Variants in CSMD1 observed in about 807,000 individuals in gnomAD.
The protein encoded by CSMD1 is CUB and sushi domain-containing protein 1.
A neutral mutation model predicts 417.5 loss-of-function variants in CSMD1; 213 were observed. The observed-to-expected ratio is 0.51, with a 90% CI of 0.46 to 0.57. The LOEUF (loss-of-function observed/expected upper bound fraction) is 0.57, where lower values mean the gene tolerates loss of function less well. Ranked by LOEUF, CSMD1 falls within the 20% of genes least tolerant of loss-of-function variation. The pLI is 0.00. For synonymous variants in CSMD1, 2,862 were observed against 1,736.8 expected (o/e 1.65, Z -16.11); for missense variants, 6,923 against 4,529.7 (o/e 1.53, Z -15.17).
chr8:4,488,976 A>G (rs886899667), intron 2 of CSMD1, among the ~76,000 whole-genome samples: 1 of 152,136 alleles, frequency 6.6e-6, no homozygotes. Flanking sequence ...CAGTGGCGCG[A>G]TCTTGGCTCA....
chr8:4,161,166 G>C (rs1277356613), intron 3 of CSMD1, among the ~76,000 whole-genome samples: 1 of 151,386 alleles, frequency 6.6e-6, no homozygotes, highest in Non-Finnish European at 1.5e-5. Flanking sequence ...AAGTTCAGAA[G>C]GATGAAGTAC....
intron 10 of CSMD1, among the ~76,000 whole-genome samples, chr8:3,500,005 GC>G (rs1403062301): frequency 6.6e-6 from 1 of 152,176 alleles, no homozygotes; most frequent in South Asian, 2.1e-4. Flanking sequence ...GCCTGTGGGG[GC>G]TTTTCTGAAG....
chr8:3,263,807 T>G (rs935182019), intron 26 of CSMD1, among the ~76,000 whole-genome samples: 1 of 152,228 alleles, frequency 6.6e-6, no homozygotes. Flanking sequence ...AAGACACTAA[T>G]AGTTTTGCTT....
intron 5 of CSMD1, among the ~76,000 whole-genome samples, chr8:3,890,637 G>C (rs954900443): frequency 5.9e-5 from 9 of 152,138 alleles, no homozygotes; most frequent in Non-Finnish European, 1.0e-4. Context: ...CAGAGAAATG[G>C]AGCATATTTC....
chr8:3,112,292 T>C (rs755266506), intron 42 of CSMD1, among the ~76,000 whole-genome samples: 7 of 152,204 alleles, frequency 4.6e-5, no homozygotes, highest in Non-Finnish European at 7.3e-5. Flanking sequence ...GTGCTAGTAA[T>C]TTAGTGTGGA....
chr8:4,108,054 ACAGAGACAGAG>A (rs1801660297), intron 3 of CSMD1, among the ~76,000 whole-genome samples: 2 of 2,302 alleles, frequency 8.7e-4, no homozygotes, highest in African/African-American at 2.9e-3. Flanking sequence ...AGAGACAGAG[ACAGAGACAGAG>A]ACAGAGACAG....
chr8:4,007,159 T>C lies in CSMD1; in HGVS notation c.611-9049A>G, dbSNP rs184478404. On this transcript the variant is annotated intron_variant, in intron 4 of 69. Coordinates refer to ENST00000635120, the MANE Select transcript of CSMD1 (RefSeq NM_033225.6). ...GGCCACGACTTTTACTATTTCTCAG[T>C]GAAATCAAGCACTGATGCCCACTTT... Among the ~76,000 whole-genome samples, 433 of 152,196 alleles carry C rather than the reference T, an allele frequency of 2.8e-3. 1 individual carries two copies. The highest frequency in any genetic ancestry group is 0.01 in the African/African-American group (422 of 41,546).
chr8:3,085,728 T>C (rs1814483584), intron 49 of CSMD1, among the ~76,000 whole-genome samples: 1 of 152,230 alleles, frequency 6.6e-6, no homozygotes, highest in Non-Finnish European at 1.5e-5. Flanking sequence ...TGTGACATCC[T>C]TTAATCCTTC....
intron 1 of CSMD1, among the ~76,000 whole-genome samples, chr8:4,811,806 C>G (rs1339204166): frequency 2.0e-5 from 3 of 151,958 alleles, no homozygotes; most frequent in Admixed American, 6.6e-5. Flanking sequence ...CCAAGTTTTG[C>G]ATAGACATAG....
At chr8:4,039,472 T>G (rs1471071929) in intron 3 of CSMD1, among the ~76,000 whole-genome samples, 2 of 152,190 alleles carry the variant, frequency 1.3e-5, no homozygotes, top group African/African-American at 4.8e-5. Flanking sequence ...TTTCTTCTCT[T>G]TACTGGCTCT....
intron 26 of CSMD1, among the ~76,000 whole-genome samples, chr8:3,239,386 C>G (rs1799353038): frequency 1.3e-5 from 2 of 152,034 alleles, no homozygotes; most frequent in Admixed American, 6.5e-5. Context: ...TTATGTCTGA[C>G]AGAAGGGAAG....
intron 11 of CSMD1, among the ~76,000 whole-genome samples, chr8:3,482,054 C>G (rs992074800): frequency 1.4e-4 from 22 of 152,114 alleles, no homozygotes; most frequent in Non-Finnish European, 2.5e-4. Context: ...AAATATACCA[C>G]AAACAGGTTA....
At chr8:4,700,692 A>C (rs866540032) in intron 1 of CSMD1, among the ~76,000 whole-genome samples, 1 of 152,244 alleles carries the variant, frequency 6.6e-6, no homozygotes. Flanking sequence ...CTACCTGTAT[A>C]TGATATTCAG....
intron 2 of CSMD1, among the ~76,000 whole-genome samples, chr8:4,445,798 A>G (rs1563181863): frequency 1.3e-5 from 2 of 152,366 alleles, no homozygotes; most frequent in South Asian, 4.1e-4. Flanking sequence ...TGTCAGAAAT[A>G]GATGATTAAC....
chr8:4,590,552 A>G (rs575860636), intron 2 of CSMD1, among the ~76,000 whole-genome samples: 2 of 152,182 alleles, frequency 1.3e-5, no homozygotes, highest in East Asian at 3.9e-4. Context: ...ACCTCTCCCT[A>G]TATGCTTTTA....
intron 27 of CSMD1, among the ~76,000 whole-genome samples, chr8:3,226,776 G>C (rs183223606): frequency 1.4e-4 from 22 of 152,122 alleles, no homozygotes; most frequent in African/African-American, 4.3e-4. Flanking sequence ...TTGAAAATAA[G>C]TGTTGTCACA....
intron 7 of CSMD1, among the ~76,000 whole-genome samples, chr8:3,681,827 T>G (rs1003724834): frequency 3.3e-5 from 5 of 152,198 alleles, no homozygotes; most frequent in African/African-American, 1.2e-4. Flanking sequence ...AGCATGGTAC[T>G]GGTACCAAAA....
chr8:4,003,402 A>G (rs1815855118), intron 4 of CSMD1, among the ~76,000 whole-genome samples: 1 of 135,690 alleles, frequency 7.4e-6, no homozygotes, highest in South Asian at 2.7e-4. Context: ...CAATAAACAA[A>G]CAAACAAAAA....
chr8:4,308,971 C>T (rs1798407817), intron 3 of CSMD1, among the ~76,000 whole-genome samples: 1 of 152,170 alleles, frequency 6.6e-6, no homozygotes, highest in African/African-American at 2.4e-5. Context: ...AACCTTCTGA[C>T]ATAATGTTGA....
Sources: allele counts gnomAD v4.1 joint callset (sites outside exome capture counted in the v4.1 genomes callset), GRCh38; gene constraint gnomAD v4.1.1; transcripts MANE v1.5; gene names NCBI Gene and HGNC (gene_info 2026-07-23, HGNC 2026-07-21).